SPOCK3: variants seen among roughly 807,000 people sequenced by gnomAD.
The protein encoded by SPOCK3 is testican-3.
In SPOCK3, 30 loss-of-function variants were observed where a neutral mutation model predicts 56.6. That is an observed-to-expected ratio of 0.53 (90% CI 0.40 to 0.72). The LOEUF (loss-of-function observed/expected upper bound fraction) is 0.72, where lower values mean the gene tolerates loss of function less well. Among genes scored for constraint, SPOCK3 ranks in the 30% least tolerant of loss-of-function variants. The pLI is 0.00. For missense variants in SPOCK3, 527 were observed against 530.0 expected (o/e 0.99, Z 0.06); for synonymous variants, 196 against 183.3 (o/e 1.07, Z -0.56).
intron 2 of SPOCK3, among the ~76,000 whole-genome samples, chr4:167,135,544 ACT>A (rs1479105860): frequency 6.6e-6 from 1 of 152,114 alleles, no homozygotes; most frequent in Non-Finnish European, 1.5e-5. Flanking sequence ...GCCTATGAAC[ACT>A]CTGACCACCA....
At chr4:167,059,238 T>C (rs1302606330) in intron 3 of SPOCK3, among the ~76,000 whole-genome samples, 1 of 152,114 alleles carries the variant, frequency 6.6e-6, no homozygotes, top group Admixed American at 6.5e-5. Flanking sequence ...GAGAAAATTT[T>C]CGCAACCTGC....
At chr4:167,189,304 T>A (rs951196036) in intron 2 of SPOCK3, among the ~76,000 whole-genome samples, 2 of 146,010 alleles carry the variant, frequency 1.4e-5, no homozygotes, top group Non-Finnish European at 3.0e-5. Context: ...ACATTAAAAA[T>A]CAATTAATAT....
chr4:166,740,819 C>A (rs1334288221), intron 9 of SPOCK3, among the ~76,000 whole-genome samples: 1 of 152,108 alleles, frequency 6.6e-6, no homozygotes, highest in Non-Finnish European at 1.5e-5. Flanking sequence ...AGCCACTGTA[C>A]CCAGCCAGAA....
At chr4:166,772,826 C>T (rs1739104385) in intron 7 of SPOCK3, among the ~76,000 whole-genome samples, 1 of 152,096 alleles carries the variant, frequency 6.6e-6, no homozygotes, top group Non-Finnish European at 1.5e-5. Context: ...GGGTCTTACT[C>T]TGTCACCCAG....
rs139828950 is a variant in SPOCK3, at chr4:166,903,866, T to A, written c.474+8754A>T. 1.9e-4 allele frequency among the ~76,000 whole-genome samples: 29 copies of A among 152,122 alleles called. No individual in the cohort carries two copies. In the East Asian group the frequency reaches 5.4e-3, roughly 28 times the overall value. On this transcript the variant is annotated intron_variant, in intron 5 of 10. Coordinates refer to ENST00000357545, the MANE Select transcript of SPOCK3 (RefSeq NM_001040159.2). ...GCTCATAGAGTATATCCAGTGTGAT[T>A]GTGGGAAGAATATAATTTGCTCAGA...
intron 2 of SPOCK3, among the ~76,000 whole-genome samples, chr4:167,112,610 C>T (rs550424876): frequency 1.3e-5 from 2 of 152,250 alleles, no homozygotes; most frequent in South Asian, 4.1e-4. Context: ...AACATCAAGA[C>T]TTCACCATTC....
At chr4:167,142,585 C>T (rs1020976556) in intron 2 of SPOCK3, among the ~76,000 whole-genome samples, 5 of 151,892 alleles carry the variant, frequency 3.3e-5, no homozygotes, top group Middle Eastern at 3.4e-3. Context: ...AACAAACAAA[C>T]GGAAGAAAAT....
intron 4 of SPOCK3, among the ~76,000 whole-genome samples, chr4:166,994,743 T>C (rs1029037790): frequency 2.6e-5 from 4 of 152,200 alleles, no homozygotes; most frequent in African/African-American, 9.6e-5. Flanking sequence ...ATATAAACCC[T>C]GACCAAATCA....
intron 4 of SPOCK3, among the ~76,000 whole-genome samples, chr4:166,962,678 C>T (rs929989116): frequency 1.3e-5 from 2 of 152,104 alleles, no homozygotes; most frequent in Admixed American, 1.3e-4. Flanking sequence ...TAGAAAACTA[C>T]TTATGTCACC....
At chr4:167,226,834 T>G (rs1736646945) in intron 2 of SPOCK3, among the ~76,000 whole-genome samples, 1 of 152,016 alleles carries the variant, frequency 6.6e-6, no homozygotes, top group East Asian at 1.9e-4. Flanking sequence ...GGACACCCGT[T>G]TCTTGATGGT....
chr4:166,991,264 T>C (rs1050686490), intron 4 of SPOCK3, among the ~76,000 whole-genome samples: 9 of 152,104 alleles, frequency 5.9e-5, no homozygotes, highest in African/African-American at 1.4e-4. Context: ...AGTATCTACA[T>C]AGCCCCTCCA....
At position 166,855,242 on chromosome 4, in the gene SPOCK3, G is replaced by T. The variant is rs182642083; in HGVS notation, c.589+33888C>A. On this transcript the variant is annotated intron_variant, in intron 6 of 10. Transcript: ENST00000357545. ...TTCTCACACAAATTTTTATGATCTT[G>T]ACATTTCATTGAGAAATGCAACATA... 1.3e-3 allele frequency among the ~76,000 whole-genome samples: 203 copies of T among 152,022 alleles called. 5 individuals are homozygous for T. Among genetic ancestry groups the T allele is most frequent in the Admixed American group, 0.012 (182 of 15,274 alleles).
chr4:167,075,054 A>G (rs150695652), intron 2 of SPOCK3, among the ~76,000 whole-genome samples: 6 of 152,048 alleles, frequency 3.9e-5, no homozygotes, highest in African/African-American at 1.4e-4. Context: ...ACTGTTAACT[A>G]AAGTCGCCCT....
At chr4:166,790,078 T>C (rs1036349400) in intron 7 of SPOCK3, among the ~76,000 whole-genome samples, 7 of 152,176 alleles carry the variant, frequency 4.6e-5, no homozygotes, top group African/African-American at 9.7e-5. Flanking sequence ...ATGTAGTATA[T>C]TGATTGCTTC....
At chr4:166,790,159 G>T (rs1741183523) in intron 7 of SPOCK3, among the ~76,000 whole-genome samples, 1 of 152,024 alleles carries the variant, frequency 6.6e-6, no homozygotes, top group Non-Finnish European at 1.5e-5. Context: ...TCTATCCTAG[G>T]TTCTGGAAAT....
chr4:166,797,275 C>A (rs1374274470), intron 6 of SPOCK3, among the ~76,000 whole-genome samples: 11 of 115,122 alleles, frequency 9.6e-5, no homozygotes, highest in African/African-American at 3.6e-4. Flanking sequence ...CTCACTCTGT[C>A]CTCCAGGCTG....
intron 3 of SPOCK3, among the ~76,000 whole-genome samples, chr4:167,007,041 T>C (rs1422659627): frequency 6.6e-6 from 1 of 152,194 alleles, no homozygotes; most frequent in Non-Finnish European, 1.5e-5. Context: ...CATAAGCCTG[T>C]TCTCCATCAC....
rs570597262 is a variant in SPOCK3 at position 166,830,766 on chromosome 4, A to G, written c.590-38477T>C. ...CCCCGCTCGAAAAAAAGATCCGACA[A>G]TCATATCTTCTCGGTATTTTCCTAT... On this transcript the variant is annotated intron_variant, in intron 6 of 10. Transcript: ENST00000357545. Among the ~76,000 whole-genome samples the G allele has an allele frequency of 3.9e-3, 597 of 152,180 alleles. 6 individuals are homozygous for G. The highest frequency in any genetic ancestry group is 5.3e-3 in the Non-Finnish European group (361 of 68,002).
rs1022039977 is a variant in SPOCK3, at chr4:166,914,067, A to T, written c.351-1324T>A. 3.4e-4 allele frequency among the ~76,000 whole-genome samples: 19 copies of T among 56,482 alleles called. No homozygotes were observed. The East Asian group carries it at 3.8e-3, about 11-fold the overall frequency. The allele number at this position is 56,482 out of a possible 152,430, so 37.1% of individuals were successfully genotyped here. A position where few individuals can be genotyped will look rare whatever the true frequency, so the allele number is the denominator to read the frequency against. ...ACGAAAATGTAGCAGATACAAATTAAAAAAAAAAAACCATTCTACTTGCAC... is the reference window on the plus strand; with the variant it reads ...ACGAAAATGTAGCAGATACAAATTATAAAAAAAAAACCATTCTACTTGCAC... On this transcript the variant is annotated intron_variant, in intron 4 of 10. Coordinates refer to ENST00000357545, the MANE Select transcript of SPOCK3 (RefSeq NM_001040159.2).
Sources: gnomAD v4.1 joint callset for allele counts (sites outside exome capture counted in the v4.1 genomes callset) on GRCh38, gnomAD v4.1.1 for gene constraint, MANE v1.5 for transcripts, NCBI Gene and HGNC (gene_info 2026-07-23, HGNC 2026-07-21) for gene names.